Variants in SCN3A observed in about 807,000 individuals in gnomAD.
The protein encoded by SCN3A is sodium channel protein type 3 subunit alpha.
In SCN3A, 60 loss-of-function variants were observed where a neutral mutation model predicts 187.6. That is an observed-to-expected ratio of 0.32 (90% CI 0.26 to 0.40). The LOEUF is 0.40. SCN3A is among the 10% of genes least tolerant of loss of function. The probability of loss-of-function intolerance (pLI) is 1.00; values close to 1 mark genes in which losing one functional copy is unlikely to be tolerated. For missense variants in SCN3A, 1,601 were observed against 2,428.2 expected (o/e 0.66, Z 7.16); for synonymous variants, 788 against 829.2 (o/e 0.95, Z 0.85).
chr2:165,120,258 A>G (rs1345064349), intron 18 of SCN3A, among the ~76,000 whole-genome samples: 1 of 152,010 alleles, frequency 6.6e-6, no homozygotes, highest in Non-Finnish European at 1.5e-5. Context: ...GTTAACTACA[A>G]ATACCACTCA....
In SCN3A at chr2:165,169,447, A is replaced by G. The variant is rs1689978874; in HGVS notation, c.384-622T>C. ...ACAGACCATCTGGCTATACTCTTGTATCTAGTCCACATTATACCTAAACAG... is the reference window on the plus strand; with the variant it reads ...ACAGACCATCTGGCTATACTCTTGTGTCTAGTCCACATTATACCTAAACAG... On this transcript the variant is annotated intron_variant, in intron 4 of 27. Transcript: ENST00000283254. 1.3e-5 allele frequency among the ~76,000 whole-genome samples: 2 copies of G among 151,926 alleles called. 1 individual carries two copies. The highest frequency in any genetic ancestry group is 4.1e-4 in the South Asian group (2 of 4,834).
rs553722083 is a variant in SCN3A, at chr2:165,174,279, GCA to G, written c.264+1850_264+1851del. Among the ~76,000 whole-genome samples, 855 of 152,250 alleles carry G rather than the reference GCA, an allele frequency of 5.6e-3. 5 individuals are homozygous for G. Among genetic ancestry groups the G allele is most frequent in the Middle Eastern group, 0.014 (4 of 294 alleles). Reference sequence around the variant, plus strand: ...TGAGATAATTGTAGTGATGTAATGAGCACGTTCTTTTCTTCAAGCAGGTTTAG... The same window carrying G: ...TGAGATAATTGTAGTGATGTAATGAGCGTTCTTTTCTTCAAGCAGGTTTAG... On this transcript the variant is annotated intron_variant, in intron 3 of 27. Transcript: ENST00000283254.
At chr2:165,135,072 G>A (rs573191971) in intron 15 of SCN3A, among the ~76,000 whole-genome samples, 1 of 152,088 alleles carries the variant, frequency 6.6e-6, no homozygotes, top group African/African-American at 2.4e-5. Context: ...AAATCAATGG[G>A]ATTGTTTTTG....
At chr2:165,165,342 T>A (rs953036754) in intron 5 of SCN3A, among the ~76,000 whole-genome samples, 1 of 152,106 alleles carries the variant, frequency 6.6e-6, no homozygotes, top group Non-Finnish European at 1.5e-5. Context: ...ACTAGTATTT[T>A]ATATGTGTGT....
At chr2:165,102,457 A>G (rs1685652611) in intron 21 of SCN3A, among the ~76,000 whole-genome samples, 1 of 152,166 alleles carries the variant, frequency 6.6e-6, no homozygotes, top group African/African-American at 2.4e-5. Flanking sequence ...TCCAGGTTAC[A>G]GTGGCTATGA....
intron 18 of SCN3A, among the ~76,000 whole-genome samples, chr2:165,122,239 CT>C (rs1286913407): frequency 7.5e-4 from 97 of 128,892 alleles, no homozygotes; most frequent in Non-Finnish European, 8.8e-4. Flanking sequence ...TCTTTTTTTT[CT>C]TTTTTTTTTT....
intron 4 of SCN3A, among the ~76,000 whole-genome samples, chr2:165,169,140 A>T (rs1039730554): frequency 4.6e-5 from 7 of 151,894 alleles, no homozygotes; most frequent in Non-Finnish European, 1.0e-4. Flanking sequence ...TCCCTTAGTA[A>T]GTTTATAGTA....
At chr2:165,096,991 A>G (rs1293012821) in intron 23 of SCN3A, among the ~76,000 whole-genome samples, 1 of 152,216 alleles carries the variant, frequency 6.6e-6, no homozygotes, top group Non-Finnish European at 1.5e-5. Flanking sequence ...AAATGATACC[A>G]GTACCCAAAA....
intron 2 of SCN3A, chr2:165,179,492 A>T (rs559396600): frequency 1.3e-5 from 2 of 152,244 alleles, no homozygotes; most frequent in African/African-American, 2.4e-5. Flanking sequence ...CTGAGATGAT[A>T]TGGAACAAGG....
At chr2:165,132,959 C>A (rs1294483387) in intron 15 of SCN3A, among the ~76,000 whole-genome samples, 45 of 152,098 alleles carry the variant, frequency 3.0e-4, no homozygotes, top group East Asian at 3.9e-4. Flanking sequence ...ACCCCATCAA[C>A]AAGTGGGTGA....
At chr2:165,132,550 A>C (rs1687399004) in intron 15 of SCN3A, among the ~76,000 whole-genome samples, 1 of 152,214 alleles carries the variant, frequency 6.6e-6, no homozygotes, top group South Asian at 2.1e-4. Flanking sequence ...CTATTTAATA[A>C]ATGGTGCTGG....
At chr2:165,156,404 T>C (rs1331644520) in intron 9 of SCN3A, among the ~76,000 whole-genome samples, 3 of 149,692 alleles carry the variant, frequency 2.0e-5, no homozygotes, top group African/African-American at 7.4e-5. Flanking sequence ...TCCCAGCTAC[T>C]CGGGAGGCTG....
intron 21 of SCN3A, among the ~76,000 whole-genome samples, chr2:165,103,096 G>A (rs1028336997): frequency 2.0e-5 from 3 of 152,150 alleles, no homozygotes; most frequent in Admixed American, 2.0e-4. Context: ...TATTTTAGTG[G>A]TTTAACTGAT....
At chr2:165,175,015 A>G (rs1351846249) in intron 3 of SCN3A, among the ~76,000 whole-genome samples, 2 of 152,250 alleles carry the variant, frequency 1.3e-5, no homozygotes, top group Non-Finnish European at 1.5e-5. Context: ...TCTGCAAATT[A>G]AAACATCTTG....
At chr2:165,172,049 T>C (rs1690137926) in intron 3 of SCN3A, among the ~76,000 whole-genome samples, 1 of 152,118 alleles carries the variant, frequency 6.6e-6, no homozygotes, top group South Asian at 2.1e-4. Context: ...ACATGCTTTG[T>C]TTGAGTAGGT....
chr2:165,127,491 G>C (rs1381776675), intron 18 of SCN3A, 140 bp downstream of exon 18: 1 of 703,974 alleles, frequency 1.4e-6, no homozygotes, highest in Non-Finnish European at 2.4e-6. Flanking sequence ...AGAGTATCTT[G>C]TGATTTTCCA....
rs1294409169 is a variant in SCN3A at position 165,158,655 on chromosome 2, A to G, written c.1032-2752T>C. 5.8e-5 allele frequency among the ~76,000 whole-genome samples: 8 copies of G among 137,948 alleles called. 2 individuals carry two copies. Among genetic ancestry groups the G allele is most frequent in the African/African-American group, 1.2e-4 (4 of 33,992 alleles). The allele number at this position is 137,948 out of a possible 152,430, so 90.5% of individuals were successfully genotyped here. A position where few individuals can be genotyped will look rare whatever the true frequency, so the allele number is the denominator to read the frequency against. ...GAATGTCAGGTAATTGAAATCATAC[A>G]GTATGTAGCTTTTTGAGGTTGGCTT... is the stretch of plus-strand genomic sequence containing the variant. On this transcript the variant is annotated intron_variant, in intron 9 of 27. Coordinates refer to ENST00000283254, the MANE Select transcript of SCN3A (RefSeq NM_006922.4).
At chr2:165,186,165 G>T (rs1462210324) in intron 2 of SCN3A, among the ~76,000 whole-genome samples, 1 of 152,060 alleles carries the variant, frequency 6.6e-6, no homozygotes, top group East Asian at 1.9e-4. Flanking sequence ...AGCTACTCAG[G>T]AGGCTGAGGC....
intron 2 of SCN3A, among the ~76,000 whole-genome samples, chr2:165,184,440 A>G (rs1437197499): frequency 6.7e-6 from 1 of 149,706 alleles, no homozygotes; most frequent in Non-Finnish European, 1.5e-5. Context: ...GTGCAGGTAG[A>G]CTAGATAAGA....
Sources: allele counts gnomAD v4.1 joint callset (sites outside exome capture counted in the v4.1 genomes callset), GRCh38; gene constraint gnomAD v4.1.1; transcripts MANE v1.5; gene names NCBI Gene and HGNC (gene_info 2026-07-23, HGNC 2026-07-21).